The following BAHCC1 variants were observed in gnomAD, a reference collection of about 807,000 sequenced individuals.
The protein encoded by BAHCC1 is BAH and coiled-coil domain-containing protein 1.
A neutral mutation model predicts 88.2 loss-of-function variants in BAHCC1; 43 were observed. The observed-to-expected ratio is 0.49, with a 90% CI of 0.38 to 0.63. The LOEUF (loss-of-function observed/expected upper bound fraction) is 0.63. BAHCC1 is among the 20% of genes least tolerant of loss of function. BAHCC1 has a pLI of 0.00. For synonymous variants in BAHCC1, 1,510 were observed against 745.5 expected, an observed-to-expected ratio of 2.03 and a Z score of -16.71; for missense variants, 3,023 against 1,654.8, an observed-to-expected ratio of 1.83 and a Z score of -14.34.
Position 81,399,958 on chromosome 17 carries a change from G to A in BAHCC1, c.178+41G>A. On this transcript the variant is annotated intron_variant, in intron 2 of 27. Coordinates refer to ENST00000675386, the MANE Select transcript of BAHCC1 (RefSeq NM_001377448.1). This position sits in a 1 kb window ranked among gnomAD's most constrained non-coding sequence, Gnocchi z 4.5. The stretch of plus-strand genomic sequence containing the variant: ...GGGCGGGCGCGGGACGGGAGCGTTC[G>A]AGAGCGGAACAGGGCGCCCACCCCT... 3 of 1,293,462 alleles carry A rather than the reference G, an allele frequency of 2.3e-6. No homozygotes were observed. The highest frequency in any genetic ancestry group is 3.0e-6 in the Non-Finnish European group (3 of 1,013,820). 80.1% of individuals were successfully genotyped at this position (1,293,462 alleles called of 1,614,324 possible). A position where few individuals can be genotyped will look rare whatever the true frequency, so the allele number is the denominator to read the frequency against.
chr17:81,450,324 C>T (rs1329245730), intron 11 of BAHCC1, among the ~76,000 whole-genome samples: 2 of 152,126 alleles, frequency 1.3e-5, no homozygotes, highest in Admixed American at 6.5e-5. Context: ...TGTGGTCAGC[C>T]CTCAGGGCTG....
In BAHCC1 at chr17:81,459,307, G is replaced by A. The variant is rs781879251; in HGVS notation, c.5775G>A (p.Leu1925=). 2.6e-6 allele frequency: 2 copies of A among 779,262 alleles called. No individual in the cohort carries two copies. The highest frequency in any genetic ancestry group is 2.4e-5 in the East Asian group (1 of 41,222). 48.3% of individuals were successfully genotyped at this position (779,262 alleles called of 1,614,324 possible). The stretch of plus-strand genomic sequence containing the variant: ...GCAACCGGCAGAGGATCTACTCACT[G>A]GAGCAGCTGCTGCAGGAAGCGGTGA... ...ERGNRQRIYS[L]EQLLQEAVLD... is the part of the protein sequence containing the mutation. The change falls in exon 22 of 28, where the codon CTG becomes CTA. Residue 1925 remains leucine, a synonymous_variant. Transcript: ENST00000675386.
At chr17:81,448,241 T>C (rs940618251) in intron 11 of BAHCC1, among the ~76,000 whole-genome samples, 2 of 152,170 alleles carry the variant, frequency 1.3e-5, no homozygotes, top group Non-Finnish European at 2.9e-5. Context: ...GCTGCTACCC[T>C]GGCCTGGGGG....
intron 4 of BAHCC1, among the ~76,000 whole-genome samples, chr17:81,441,053 C>T (rs2064405654): frequency 1.3e-5 from 2 of 151,830 alleles, no homozygotes; most frequent in Admixed American, 1.3e-4. Flanking sequence ...GTAACACTCA[C>T]TGCCTGCCCC....
Position 81,464,780 on chromosome 17 carries a change from C to T in BAHCC1, c.*963C>T, listed in dbSNP as rs1159306676. ...GCCAGTTGGTCTGAGGCCAAGGAGTCTGGCCTCCACCCAGAGCAGGGAGGG... is the reference window on the plus strand; with the variant it reads ...GCCAGTTGGTCTGAGGCCAAGGAGTTTGGCCTCCACCCAGAGCAGGGAGGG... On this transcript the variant is annotated 3_prime_UTR_variant, in exon 28 of 28. Transcript: ENST00000675386. 1 of 152,474 alleles carries T rather than the reference C, an allele frequency of 6.6e-6. No individual in the cohort carries two copies. Among genetic ancestry groups the T allele is most frequent in the African/African-American group, 2.4e-5 (1 of 41,454 alleles). 9.4% of individuals were successfully genotyped at this position (152,474 alleles called of 1,614,324 possible).
intron 3 of BAHCC1, among the ~76,000 whole-genome samples, chr17:81,429,262 G>A (rs1424749296): frequency 1.3e-5 from 2 of 152,250 alleles, no homozygotes; most frequent in African/African-American, 4.8e-5. Context: ...CTGAGGATGG[G>A]TGTGGGTGCC....
intron 6 of BAHCC1, 25 bp from the exon 7 acceptor site, chr17:81,444,356 C>T (rs1555653628): frequency 5.6e-6 from 4 of 719,418 alleles, no homozygotes; most frequent in Non-Finnish European, 1.0e-5. Context: ...GCGCCGGCGG[C>T]AGGGCTGAGC....
At position 81,425,327 on chromosome 17, in the gene BAHCC1, ATAG is replaced by A. The variant is rs1354633618; in HGVS notation, c.179-1471_179-1469del. On this transcript the variant is annotated intron_variant, in intron 2 of 27. Coordinates refer to ENST00000675386, the MANE Select transcript of BAHCC1 (RefSeq NM_001377448.1). ...GTGGTGGGTGATGTGGTTGGGGGTG[ATAG>A]TGGTGGGTGATGTGGTTGGTGGTGA... Among the ~76,000 whole-genome samples the A allele has an allele frequency of 4.9e-3, 417 of 84,994 alleles. 2 individuals are homozygous for A. The highest frequency in any genetic ancestry group is 0.017 in the African/African-American group (375 of 21,696). 55.8% of individuals were successfully genotyped at this position (84,994 alleles called of 152,430 possible). A position where few individuals can be genotyped will look rare whatever the true frequency, so the allele number is the denominator to read the frequency against.
At position 81,461,918 on chromosome 17, in the gene BAHCC1, G is replaced by A. The variant is rs782789705; in HGVS notation, c.7255G>A (p.Ala2419Thr). Residue 2419 changes from alanine (A) to threonine (T), a missense_variant, in exon 26 of 28, where the codon GCC becomes ACC. Transcript: ENST00000675386. The stretch of plus-strand genomic sequence containing the variant: ...CAAATCCAAGCTCAAGCGCAAAGAG[G>A]CCCTGAGCTTCTCCAAAGCCAAAGA... ...SSKSKLKRKE[A>T]LSFSKAKELS... is the part of the protein sequence containing the mutation. 5 of 750,980 alleles carry A rather than the reference G, an allele frequency of 6.7e-6. No individual in the cohort carries two copies. The East Asian group carries it at 1.3e-4, about 19-fold the overall frequency. 46.5% of individuals were successfully genotyped at this position (750,980 alleles called of 1,614,324 possible). A position where few individuals can be genotyped will look rare whatever the true frequency, so the allele number is the denominator to read the frequency against.
chr17:81,397,645 C>A (rs2063760080), intron 1 of BAHCC1, among the ~76,000 whole-genome samples: 1 of 152,056 alleles, frequency 6.6e-6, no homozygotes, highest in Admixed American at 6.5e-5. Flanking sequence ...GCCCGGGCAG[C>A]CCCTCCCCTG....
At position 81,432,051 on chromosome 17, in the gene BAHCC1, A is replaced by T. The variant is rs1049527141; in HGVS notation, c.358+5072A>T. ...CAGACCCAGAGCTGTCTTAGCTTCG[A>T]GTTCATATGCCCAGCCTCAGTTTCT... On this transcript the variant is annotated intron_variant, in intron 3 of 27. Transcript: ENST00000675386. Among the ~76,000 whole-genome samples, 3 of 152,140 alleles carry T rather than the reference A, an allele frequency of 2.0e-5. No individual in the cohort carries two copies. The South Asian group carries it at 6.2e-4, about 31-fold the overall frequency.
chr17:81,441,743 G>T, intron 4 of BAHCC1, 88 bp from the exon 5 acceptor site: 1 of 490,534 alleles, frequency 2.0e-6, no homozygotes. Flanking sequence ...GCTGGTGTCC[G>T]GGAGGCACCT....
intron 11 of BAHCC1, 103 bp from the exon 12 acceptor site, chr17:81,451,565 C>T (rs917139591): frequency 1.4e-5 from 9 of 631,226 alleles, no homozygotes; most frequent in Admixed American, 2.4e-5. Context: ...TCATCCCGGT[C>T]TTCAAGGCTG....
At chr17:81,414,736 T>A (rs1212170276) in intron 2 of BAHCC1, among the ~76,000 whole-genome samples, 1 of 151,956 alleles carries the variant, frequency 6.6e-6, no homozygotes, top group Non-Finnish European at 1.5e-5. Flanking sequence ...TTCCCCGGGG[T>A]TCGTCACAGC....
intron 3 of BAHCC1, among the ~76,000 whole-genome samples, chr17:81,427,508 C>A (rs1429746086): frequency 1.1e-4 from 17 of 152,168 alleles, no homozygotes; most frequent in Admixed American, 6.5e-5. Flanking sequence ...AGGTGCCTCG[C>A]GAATACTGGC....
At position 81,464,181 on chromosome 17, in the gene BAHCC1, G is replaced by A; in HGVS notation, c.*364G>A. On this transcript the variant is annotated 3_prime_UTR_variant, in exon 28 of 28. Coordinates refer to ENST00000675386, the MANE Select transcript of BAHCC1 (RefSeq NM_001377448.1). ...TCCCACCAGGGAAAGCAGAAATCAG[G>A]TGTGTTGTCTATTTATTTCTCTATG... 2.8e-6 allele frequency: 1 copy of A among 352,092 alleles called. No homozygotes were observed. The highest frequency in any genetic ancestry group is 5.3e-6 in the Non-Finnish European group (1 of 187,624). 21.8% of individuals were successfully genotyped at this position (352,092 alleles called of 1,614,324 possible). A position where few individuals can be genotyped will look rare whatever the true frequency, so the allele number is the denominator to read the frequency against.
chr17:81,423,050 G>A lies in BAHCC1; in HGVS notation c.179-3750G>A, dbSNP rs782081338. On this transcript the variant is annotated intron_variant, in intron 2 of 27. Coordinates refer to ENST00000675386, the MANE Select transcript of BAHCC1 (RefSeq NM_001377448.1). Reference sequence around the variant, plus strand: ...CATGGCAGTCCCAGCCTTGTGGTCCGGGAAGCCCCTGGCTCGCGGGCACCT... The same window carrying A: ...CATGGCAGTCCCAGCCTTGTGGTCCAGGAAGCCCCTGGCTCGCGGGCACCT... Among the ~76,000 whole-genome samples the A allele has an allele frequency of 4.9e-4, 74 of 152,276 alleles. 1 individual carries two copies. The highest frequency in any genetic ancestry group is 1.5e-3 in the African/African-American group (61 of 41,570).
chr17:81,444,008 A>G (rs992357705), intron 6 of BAHCC1, 91 bp downstream of exon 6: 23 of 676,580 alleles, frequency 3.4e-5, no homozygotes, highest in Non-Finnish European at 4.9e-5. Context: ...AGGGGTGGTC[A>G]TGGCTGGGGC....
At chr17:81,401,999 T>G (rs979241931) in intron 2 of BAHCC1, 2 of 152,460 alleles carry the variant, frequency 1.3e-5, no homozygotes, top group African/African-American at 2.4e-5. Context: ...GTTCTTGGCG[T>G]GTAGGCCCCG....
Sources: gnomAD v4.1 joint callset for allele counts (sites outside exome capture counted in the v4.1 genomes callset) on GRCh38, gnomAD v4.1.1 for gene constraint, Gnocchi (gnomAD v3.1) non-coding constraint, MANE v1.5 for transcripts, NCBI Gene and HGNC (gene_info 2026-07-23, HGNC 2026-07-21) for gene names.